AP1B1: variants seen among roughly 807,000 people sequenced by gnomAD.
AP1B1 encodes adaptor related protein complex 1 subunit beta 1.
AP1B1 carries 36 observed loss-of-function variants against 104.3 expected under a neutral mutation model. That is an observed-to-expected ratio of 0.35 (90% confidence interval 0.26 to 0.46). The LOEUF is 0.46. Among genes scored for constraint, AP1B1 ranks in the 20% least tolerant of loss-of-function variants. The pLI, the probability that AP1B1 is intolerant of heterozygous loss-of-function variation, is 1.00. For synonymous variants in AP1B1, 504 were observed against 517.5 expected (o/e 0.97, Z 0.35); for missense variants, 901 against 1,247.9 (o/e 0.72, Z 4.19).
At chr22:29,339,637 G>T (rs1032876185) in intron 15 of AP1B1, 117 bp downstream of exon 15, 2 of 1,100,430 alleles carry the variant, frequency 1.8e-6, no homozygotes, top group African/African-American at 1.6e-5. Context: ...ACCAAGGCAG[G>T]GGCTCAGCAG....
intron 11 of AP1B1, 78 bp downstream of exon 11, chr22:29,349,140 G>A: frequency 6.5e-7 from 1 of 1,537,328 alleles, no homozygotes; most frequent in African/African-American, 1.4e-5. Flanking sequence ...TAGGAAGGGA[G>A]GGTTTCATGG....
chr22:29,331,080 C>T (rs775717662), intron 19 of AP1B1, among the ~76,000 whole-genome samples: 27 of 152,294 alleles, frequency 1.8e-4, no homozygotes, highest in Admixed American at 9.8e-4. Flanking sequence ...GGGTGCAGGC[C>T]GTCTGTGTGC....
intron 8 of AP1B1, 142 bp downstream of exon 8, chr22:29,351,562 GA>G (rs2061874750): frequency 4.4e-6 from 5 of 1,136,710 alleles, no homozygotes; most frequent in Non-Finnish European, 6.2e-6. Context: ...ACTTGCTTAC[GA>G]AGCCCCATGT....
chr22:29,384,282 C>T (rs548931691), intron 1 of AP1B1, among the ~76,000 whole-genome samples: 11 of 152,128 alleles, frequency 7.2e-5, no homozygotes, highest in Non-Finnish European at 1.0e-4. Flanking sequence ...TACCAGATTC[C>T]CAGGTCTCTG....
At chr22:29,381,652 A>G (rs1291144772) in intron 1 of AP1B1, among the ~76,000 whole-genome samples, 1 of 152,242 alleles carries the variant, frequency 6.6e-6, no homozygotes, top group East Asian at 1.9e-4. Flanking sequence ...AGTTAAGTGA[A>G]TAAATTATGA....
intron 13 of AP1B1, among the ~76,000 whole-genome samples, chr22:29,341,252 G>GTC (rs1207427475): frequency 6.6e-6 from 1 of 152,250 alleles, no homozygotes; most frequent in Non-Finnish European, 1.5e-5. Context: ...TCCTGGACCA[G>GTC]TCCCTCAAGC....
At chr22:29,351,407 A>G (rs1344022811) in intron 8 of AP1B1, 141 bp from the exon 9 acceptor site, 4 of 1,042,118 alleles carry the variant, frequency 3.8e-6, no homozygotes, top group South Asian at 1.4e-5. Context: ...CAAGGGAGAG[A>G]GCTGGCAGGT....
rs752608064 is a variant in AP1B1, at chr22:29,339,033, C to T, written c.2120G>A (p.Ser707Asn). ...SGLSDLFDLT[S>N]GVGTLSGSYV... ...TGATCCTGACAGGGTGCCCACGCCA[C>T]TGGTCAGGTCAAAGAGGTCACTCAG... Residue 707 changes from serine (S) to asparagine (N), a missense_variant, in exon 16 of 23, where the codon AGT (serine) becomes AAT (asparagine). Coordinates refer to ENST00000357586, the MANE Select transcript of AP1B1 (RefSeq NM_001127.4). The T allele has an allele frequency of 1.2e-6, 2 of 1,614,204 alleles. No homozygotes were observed. Among genetic ancestry groups the T allele is most frequent in the Non-Finnish European group, 8.5e-7 (1 of 1,180,038 alleles).
Position 29,339,035 on chromosome 22 carries a change from G to A in AP1B1, c.2118C>T (p.Thr706=), listed in dbSNP as rs1310964172. 9.3e-6 allele frequency: 15 copies of A among 1,614,048 alleles called. No homozygotes were observed. The highest frequency in any genetic ancestry group is 2.7e-5 in the African/African-American group (2 of 74,918). Residue 706 remains threonine, a synonymous_variant, in exon 16 of 23, where the codon ACC becomes ACT. Transcript: ENST00000357586. ...ATCCTGACAGGGTGCCCACGCCACT[G>A]GTCAGGTCAAAGAGGTCACTCAGGC... ...GSGLSDLFDL[T]SGVGTLSGSY... is the part of the protein sequence containing the mutation.
intron 1 of AP1B1, among the ~76,000 whole-genome samples, chr22:29,381,085 G>A (rs1336585676): frequency 5.3e-5 from 8 of 152,150 alleles, no homozygotes; most frequent in African/African-American, 2.4e-5. Context: ...GCCTTTGCCC[G>A]TGCTATTCAC....
chr22:29,346,718 A>G (rs2061798434), intron 11 of AP1B1, among the ~76,000 whole-genome samples: 1 of 152,018 alleles, frequency 6.6e-6, no homozygotes, highest in Non-Finnish European at 1.5e-5. Context: ...AGAACCCAGC[A>G]TAGGCAAGCT....
At position 29,351,164 on chromosome 22, in the gene AP1B1, G is replaced by T. The variant is rs772158997; in HGVS notation, c.1155+7C>A. The T allele has an allele frequency of 1.1e-5, 17 of 1,606,448 alleles. No homozygotes were observed. Among genetic ancestry groups the T allele is most frequent in the Admixed American group, 3.3e-5 (2 of 59,770 alleles). On this transcript the variant is annotated splice_region_variant and intron_variant, in intron 9 of 22. Coordinates refer to ENST00000357586, the MANE Select transcript of AP1B1 (RefSeq NM_001127.4). ...CTCCAGCCAAGGACAGAGTCCCAGA[G>T]CCTCACCTCCACCTTGATGGCGCAG...
At chr22:29,338,937 C>A in intron 16 of AP1B1, 53 bp downstream of exon 16, 1 of 1,606,262 alleles carries the variant, frequency 6.2e-7, no homozygotes, top group Non-Finnish European at 8.5e-7. Flanking sequence ...GCCCACATGC[C>A]AGTCTCCATA....
chr22:29,340,885 G>A, intron 13 of AP1B1, 28 bp from the exon 14 acceptor site: 1 of 1,567,090 alleles, frequency 6.4e-7, no homozygotes, highest in Non-Finnish European at 8.7e-7. Context: ...TAGGGTGGAG[G>A]CATCAGGATG....
rs776924079 is a variant in AP1B1 at position 29,328,715 on chromosome 22, G to A, written c.*106C>T. The A allele has an allele frequency of 4.7e-5, 65 of 1,395,210 alleles. No individual in the cohort carries two copies. Among genetic ancestry groups the A allele is most frequent in the Non-Finnish European group, 5.7e-5 (59 of 1,031,742 alleles). 86.4% of individuals were successfully genotyped at this position (1,395,210 alleles called of 1,614,324 possible). ...TCAGGACCAGGGAGCCCACTGAGTG[G>A]CCTGGAGCCCCGCCTGGTCCCTCCT... On this transcript the variant is annotated 3_prime_UTR_variant, in exon 23 of 23. Transcript: ENST00000357586. The surrounding 1 kb of genome is among the most constrained non-coding windows in gnomAD (Gnocchi z 4.1).
chr22:29,366,088 A>G, intron 2 of AP1B1, among the ~76,000 whole-genome samples: 1 of 152,208 alleles, frequency 6.6e-6, no homozygotes, highest in East Asian at 1.9e-4. Flanking sequence ...GGCATGTGTC[A>G]GTATCACTTG....
intron 1 of AP1B1, among the ~76,000 whole-genome samples, chr22:29,378,862 A>C (rs1458078037): frequency 2.3e-3 from 16 of 6,884 alleles, no homozygotes; most frequent in Admixed American, 4.4e-3. Flanking sequence ...CCGTCCCACA[A>C]AAAAAAAAAA....
At chr22:29,349,595 C>T (rs1204151161) in intron 10 of AP1B1, among the ~76,000 whole-genome samples, 4 of 151,920 alleles carry the variant, frequency 2.6e-5, no homozygotes, top group African/African-American at 7.3e-5. Flanking sequence ...CTCACTGCAA[C>T]CTCCACCTCC....
intron 16 of AP1B1, among the ~76,000 whole-genome samples, chr22:29,337,884 C>A (rs1287448284): frequency 6.6e-6 from 1 of 152,236 alleles, no homozygotes; most frequent in East Asian, 1.9e-4. Context: ...CCCACCCCTT[C>A]CCTGCAGACG....
Sources: gnomAD v4.1 joint callset for allele counts (sites outside exome capture counted in the v4.1 genomes callset) on GRCh38, gnomAD v4.1.1 for gene constraint, Gnocchi (gnomAD v3.1) non-coding constraint, MANE v1.5 for transcripts, NCBI Gene and HGNC (gene_info 2026-07-23, HGNC 2026-07-21) for gene names.